The following PCNX2 variants were observed in gnomAD, a reference collection of about 807,000 sequenced individuals.
PCNX2 encodes the protein pecanex 2.
A neutral mutation model predicts 223.8 loss-of-function variants in PCNX2; 168 were observed. That is an observed-to-expected ratio of 0.75 (90% CI 0.66 to 0.85). The LOEUF is 0.85. Among genes scored for constraint, PCNX2 ranks in the 40% least tolerant of loss-of-function variants. The pLI is 0.00. For synonymous variants in PCNX2, 1,006 were observed against 1,052.6 expected, an observed-to-expected ratio of 0.96 and a Z score of 0.86; for missense variants, 2,507 against 2,675.5, an observed-to-expected ratio of 0.94 and a Z score of 1.39.
At chr1:233,171,936 T>G (rs74145091) in intron 17 of PCNX2, among the ~76,000 whole-genome samples, 3,503 of 152,248 alleles carry the variant, frequency 0.023, 136 homozygotes, top group African/African-American at 0.079. Flanking sequence ...ATCTTTCAGT[T>G]CACTAATTCT....
intron 25 of PCNX2, among the ~76,000 whole-genome samples, chr1:233,034,693 TTG>T (rs1269686000): frequency 1.3e-5 from 2 of 152,072 alleles, no homozygotes; most frequent in African/African-American, 4.8e-5. Context: ...CGAAGAATGG[TTG>T]CCTGAACAGA....
chr1:233,160,437 C>T lies in PCNX2; in HGVS notation c.3367-4G>A, dbSNP rs370095410. Reference sequence around the variant, plus strand: ...ACAGCACGATGCTGAGAAATGGCTGCGATAAAAATGGGCAGAATCTCATTA... The same window carrying T: ...ACAGCACGATGCTGAGAAATGGCTGTGATAAAAATGGGCAGAATCTCATTA... On this transcript the variant is annotated splice_region_variant and splice_polypyrimidine_tract_variant and intron_variant, in intron 18 of 33. Transcript: ENST00000258229. 98 of 1,612,608 alleles carry T rather than the reference C, an allele frequency of 6.1e-5. No homozygotes were observed. In the African/African-American group the frequency reaches 7.9e-4, roughly 13 times the overall value.
At chr1:233,211,860 T>A (rs1681835507) in intron 12 of PCNX2, 1 of 974,592 alleles carries the variant, frequency 1.0e-6, no homozygotes, top group Non-Finnish European at 1.2e-6. Flanking sequence ...CATGATAGTC[T>A]TAGGGTGTCA....
chr1:233,028,877 C>T (rs1315790547), intron 25 of PCNX2, among the ~76,000 whole-genome samples: 5 of 137,476 alleles, frequency 3.6e-5, no homozygotes, highest in Admixed American at 7.8e-5. Flanking sequence ...CTCACTCTGT[C>T]GCCCATGCTG....
the PCNX2 span, among the ~76,000 whole-genome samples, chr1:233,308,942 A>C: frequency 6.6e-6 from 1 of 152,226 alleles, no homozygotes; most frequent in African/African-American, 2.4e-5. Flanking sequence ...TTAAAGGACA[A>C]AAAGAATACA....
intron 26 of PCNX2, among the ~76,000 whole-genome samples, 187 bp downstream of exon 26, chr1:233,024,959 C>A (rs1388335782): frequency 6.6e-6 from 1 of 152,150 alleles, no homozygotes; most frequent in Admixed American, 6.5e-5. Flanking sequence ...ACCCAGGGCA[C>A]AAATCTCAGG....
intron 1 of PCNX2, among the ~76,000 whole-genome samples, chr1:233,265,572 G>A (rs1035899750): frequency 6.6e-6 from 1 of 152,154 alleles, no homozygotes. Flanking sequence ...TTCAGACTAG[G>A]TACCTGAGTA....
chr1:233,209,006 C>A (rs941789182), intron 12 of PCNX2, among the ~76,000 whole-genome samples: 1 of 152,130 alleles, frequency 6.6e-6, no homozygotes, highest in Admixed American at 6.6e-5. Context: ...TAATTCAATG[C>A]TTTCCCCAAC....
chr1:233,242,941 G>A (rs960112274), intron 8 of PCNX2, among the ~76,000 whole-genome samples: 1 of 152,216 alleles, frequency 6.6e-6, no homozygotes, highest in Non-Finnish European at 1.5e-5. Context: ...TCTAAAGGCT[G>A]CAATTCAAGC....
intron 25 of PCNX2, chr1:233,025,621 T>A (rs553230686): frequency 1.7e-4 from 100 of 600,714 alleles, no homozygotes; most frequent in African/African-American, 1.6e-3. Flanking sequence ...GTAGAAAATA[T>A]ATTTAAACGA....
chr1:233,147,926 A>G (rs540510353), intron 19 of PCNX2, among the ~76,000 whole-genome samples: 8 of 152,342 alleles, frequency 5.3e-5, no homozygotes, highest in Admixed American at 2.6e-4. Flanking sequence ...GGAACTGGAA[A>G]CCAGTTAATT....
At chr1:233,119,577 C>A (rs1212974175) in intron 21 of PCNX2, among the ~76,000 whole-genome samples, 3 of 142,782 alleles carry the variant, frequency 2.1e-5, no homozygotes, top group Non-Finnish European at 1.5e-5. Flanking sequence ...AGAACGAGAC[C>A]TTGTCTCAAA....
In PCNX2 at chr1:232,999,411, C is replaced by A. The variant is rs757548854; in HGVS notation, c.5329-32G>T. On this transcript the variant is annotated intron_variant, in intron 30 of 33. Coordinates refer to ENST00000258229, the MANE Select transcript of PCNX2 (RefSeq NM_014801.4). ...GTCAGAGAGGGAACGGGAAGAAAGGCAGAAGGCCTGTGTTTTCCAGTCTAT... is the reference window on the plus strand; with the variant it reads ...GTCAGAGAGGGAACGGGAAGAAAGGAAGAAGGCCTGTGTTTTCCAGTCTAT... The A allele has an allele frequency of 7.7e-6, 12 of 1,554,482 alleles. No homozygotes were observed. The African/African-American group carries it at 1.5e-4, about 19-fold the overall frequency.
Position 233,258,676 on chromosome 1 carries a change from G to A in PCNX2, c.1186C>T (p.Leu396=). Reference sequence around the variant, plus strand: ...GTCTTCTCTGTGCCAACCACCCTCAGGTGGAGGGAGCTTTCCAAATCTGTC... The same window carrying A: ...GTCTTCTCTGTGCCAACCACCCTCAAGTGGAGGGAGCTTTCCAAATCTGTC... The part of the protein sequence containing the change: ...SMTDLESSLH[L]RVVGTEKTSV... The change falls in exon 5 of 34, where the codon CTG becomes TTG. Residue 396 remains leucine (L), a synonymous_variant. Coordinates refer to ENST00000258229, the MANE Select transcript of PCNX2 (RefSeq NM_014801.4). The A allele has an allele frequency of 6.8e-6, 11 of 1,613,968 alleles. No homozygotes were observed. Among genetic ancestry groups the A allele is most frequent in the Non-Finnish European group, 9.3e-6 (11 of 1,179,884 alleles).
intron 21 of PCNX2, among the ~76,000 whole-genome samples, chr1:233,134,538 A>T (rs1221798994): frequency 6.6e-6 from 1 of 151,976 alleles, no homozygotes; most frequent in East Asian, 1.9e-4. Context: ...AAGAGGAAAA[A>T]GAAAAGAAAA....
chr1:233,232,829 T>C, intron 9 of PCNX2: 12 of 985,406 alleles, frequency 1.2e-5, no homozygotes, highest in Non-Finnish European at 1.4e-5. Flanking sequence ...CTCATCAGTT[T>C]AGGACCAATG....
intron 1 of PCNX2, among the ~76,000 whole-genome samples, chr1:233,283,005 C>T (rs1558423466): frequency 7.0e-6 from 1 of 142,624 alleles, no homozygotes. Context: ...CAGTACATTA[C>T]TGGTGATGCG....
At chr1:233,159,507 C>G (rs1678337023) in intron 19 of PCNX2, among the ~76,000 whole-genome samples, 1 of 152,130 alleles carries the variant, frequency 6.6e-6, no homozygotes, top group Non-Finnish European at 1.5e-5. Flanking sequence ...ATAGGCTAAA[C>G]AGCTCTGTGC....
chr1:233,227,510 A>C (rs1657815029), intron 9 of PCNX2, 139 bp from the exon 10 acceptor site: 1 of 760,834 alleles, frequency 1.3e-6, no homozygotes, highest in Non-Finnish European at 1.9e-6. Context: ...CAAATGTTCA[A>C]ATTCTGATAT....
Sources: allele counts gnomAD v4.1 joint callset (sites outside exome capture counted in the v4.1 genomes callset), GRCh38; gene constraint gnomAD v4.1.1; transcripts MANE v1.5; gene names NCBI Gene and HGNC (gene_info 2026-07-23, HGNC 2026-07-21).